FRMPD4: variants seen among roughly 807,000 people sequenced by gnomAD.
FRMPD4 encodes the protein FERM and PDZ domain containing 4.
In FRMPD4, 22 loss-of-function variants were observed where a neutral mutation model predicts 94.1. That is an observed-to-expected ratio of 0.23 (90% CI 0.17 to 0.33). The LOEUF is 0.33. FRMPD4 is among the 10% of genes least tolerant of loss of function. FRMPD4 has a pLI of 1.00. For missense variants in FRMPD4, 1,111 were observed against 1,339.9 expected, an observed-to-expected ratio of 0.83 and a Z score of 2.67; for synonymous variants, 631 against 548.6, an observed-to-expected ratio of 1.15 and a Z score of -2.10.
intron 1 of FRMPD4, among the ~76,000 whole-genome samples, chrX:12,209,423 A>T (rs1335365078): frequency 2.7e-5 from 3 of 112,583 alleles, no homozygotes; most frequent in Middle Eastern, 4.2e-3. Context: ...CCAAAAATTA[A>T]TTTAGGTAAC....
At chrX:12,465,074 A>C (rs973712024) in intron 1 of FRMPD4, among the ~76,000 whole-genome samples, 3 of 111,885 alleles carry the variant, frequency 2.7e-5, no homozygotes, top group African/African-American at 9.7e-5. Flanking sequence ...ATATATTCCC[A>C]GTAGTTAGAG....
chrX:12,702,518 G>C (rs769114599), intron 10 of FRMPD4, among the ~76,000 whole-genome samples: 5 of 111,954 alleles, frequency 4.5e-5, no homozygotes, highest in Non-Finnish European at 9.4e-5. Context: ...TAATGCTAAA[G>C]CCTTGGACCT....
intron 3 of FRMPD4, among the ~76,000 whole-genome samples, chrX:11,990,677 T>C (rs1277615214): frequency 9.0e-6 from 1 of 111,676 alleles, no homozygotes; most frequent in African/African-American, 3.3e-5. Flanking sequence ...TCTTTTCTAC[T>C]TTATTTCATG....
At chrX:12,513,407 A>G (rs1470745488) in intron 2 of FRMPD4, among the ~76,000 whole-genome samples, 1 of 111,928 alleles carries the variant, frequency 8.9e-6, no homozygotes, top group Non-Finnish European at 1.9e-5. Context: ...GATCTAAGGA[A>G]GGGGTCCAGT....
chrX:12,289,057 G>A lies in FRMPD4; in HGVS notation c.41+150045G>A, dbSNP rs539238200. ...AATTAGCTCAGTGGGTGAGTCAGTG[G>A]TTTATACTTTAGTGTCTTCTTCCTT... On this transcript the variant is annotated intron_variant, in intron 1 of 16. Transcript: ENST00000675598. Among the ~76,000 whole-genome samples, 3 of 111,480 alleles carry A rather than the reference G, an allele frequency of 2.7e-5. No individual in the cohort carries two copies. In the South Asian group the frequency reaches 1.1e-3, roughly 43 times the overall value.
intron 1 of FRMPD4, among the ~76,000 whole-genome samples, chrX:12,493,843 T>A (rs2057817094): frequency 8.9e-6 from 1 of 112,439 alleles, no homozygotes. Context: ...TACAACACAA[T>A]GTACCATTTG....
rs7057104 is a variant in FRMPD4 at position 12,284,840 on chromosome X, C to T, written c.41+145828C>T. 2.7e-5 allele frequency among the ~76,000 whole-genome samples: 3 copies of T among 111,708 alleles called. No individual in the cohort carries two copies. In the South Asian group the frequency reaches 1.1e-3, roughly 42 times the overall value. On this transcript the variant is annotated intron_variant, in intron 1 of 16. Transcript: ENST00000675598. The stretch of plus-strand genomic sequence containing the variant: ...CTAGACAGCCTGTTTTCTAATTCTG[C>T]CTCTGCCTCTCATAATCTGCATTTA...
chrX:12,713,003 G>A (rs183516693), intron 14 of FRMPD4, among the ~76,000 whole-genome samples: 8 of 110,369 alleles, frequency 7.2e-5, no homozygotes, highest in Admixed American at 6.7e-4. Context: ...ATGCAAGCCC[G>A]GGAGGTCAAG....
chrX:12,571,359 T>G (rs1313824250), intron 2 of FRMPD4, among the ~76,000 whole-genome samples: 1 of 112,882 alleles, frequency 8.9e-6, no homozygotes, highest in Non-Finnish European at 1.9e-5. Context: ...ATGTACTTTT[T>G]TGTTAACTGT....
intron 3 of FRMPD4, among the ~76,000 whole-genome samples, chrX:11,890,087 G>A (rs1191042212): frequency 2.7e-5 from 3 of 112,228 alleles, no homozygotes; most frequent in African/African-American, 9.7e-5. Context: ...AAGGGTTGGG[G>A]GAACTGTTGG....
intron 1 of FRMPD4, among the ~76,000 whole-genome samples, chrX:12,326,913 G>A (rs1601821230): frequency 9.0e-6 from 1 of 110,973 alleles, no homozygotes; most frequent in South Asian, 3.9e-4. Flanking sequence ...AGTGAATTAC[G>A]ATCGCACCAC....
intron 1 of FRMPD4, among the ~76,000 whole-genome samples, chrX:12,250,948 G>T (rs992882542): frequency 8.9e-6 from 1 of 111,779 alleles, no homozygotes; most frequent in African/African-American, 3.3e-5. Context: ...TCTGACCAGG[G>T]CACCAAAGCG....
intron 1 of FRMPD4, among the ~76,000 whole-genome samples, chrX:12,240,901 G>A (rs1373185379): frequency 4.5e-5 from 5 of 112,218 alleles, no homozygotes; most frequent in Non-Finnish European, 7.5e-5. Context: ...AAAGGGTAAT[G>A]TTTCATTGGT....
chrX:12,431,909 T>C (rs2057014637), intron 1 of FRMPD4, among the ~76,000 whole-genome samples: 3 of 112,114 alleles, frequency 2.7e-5, no homozygotes, highest in Non-Finnish European at 3.8e-5. Flanking sequence ...ATTCTCTTTA[T>C]TGAGGACTCA....
chrX:12,203,844 G>A (rs1239280756), intron 1 of FRMPD4, among the ~76,000 whole-genome samples: 4 of 111,998 alleles, frequency 3.6e-5, no homozygotes, highest in African/African-American at 1.3e-4. Flanking sequence ...CCATCTAATT[G>A]ACAACTGGTT....
chrX:12,705,658 G>A (rs1013576984), intron 11 of FRMPD4, among the ~76,000 whole-genome samples: 1 of 110,758 alleles, frequency 9.0e-6, no homozygotes, highest in African/African-American at 3.3e-5. Context: ...GCAAGATGAT[G>A]TGGGTCAAGT....
At chrX:11,945,640 A>G (rs1298289879) in intron 3 of FRMPD4, among the ~76,000 whole-genome samples, 1 of 111,667 alleles carries the variant, frequency 9.0e-6, no homozygotes, top group Non-Finnish European at 1.9e-5. Context: ...CTCATGGTGG[A>G]AGGGTGAAGG....
At chrX:12,626,087 G>T (rs1450443805) in intron 4 of FRMPD4, among the ~76,000 whole-genome samples, 1 of 111,325 alleles carries the variant, frequency 9.0e-6, no homozygotes, top group Non-Finnish European at 1.9e-5. Context: ...GCATTTTTGG[G>T]AGGCCAAAGT....
chrX:12,403,011 C>T (rs1417041568), intron 1 of FRMPD4, among the ~76,000 whole-genome samples: 1 of 112,313 alleles, frequency 8.9e-6, no homozygotes, highest in Non-Finnish European at 1.9e-5. Flanking sequence ...AGATGACCAC[C>T]ATGTTTCTTC....
Sources: gnomAD v4.1 joint callset for allele counts (sites outside exome capture counted in the v4.1 genomes callset) on GRCh38, gnomAD v4.1.1 for gene constraint, MANE v1.5 for transcripts, NCBI Gene and HGNC (gene_info 2026-07-23, HGNC 2026-07-21) for gene names.